CNTNAP2: variants seen among roughly 807,000 people sequenced by gnomAD.
The protein encoded by CNTNAP2 is contactin associated protein 2.
A neutral mutation model predicts 155.2 loss-of-function variants in CNTNAP2; 98 were observed. The ratio of observed to expected loss-of-function variants is 0.63; its 90% CI spans 0.54 to 0.75. CNTNAP2 has a LOEUF of 0.75. CNTNAP2 is among the 30% of genes least tolerant of loss of function. CNTNAP2 has a pLI of 0.00. For missense variants in CNTNAP2, 1,727 were observed against 1,688.1 expected, an observed-to-expected ratio of 1.02 and a Z score of -0.40; for synonymous variants, 651 against 631.2, an observed-to-expected ratio of 1.03 and a Z score of -0.47.
In CNTNAP2 at chr7:146,716,297, T is replaced by G. The variant is rs953075181; in HGVS notation, c.98-57974T>G. On this transcript the variant is annotated intron_variant, in intron 1 of 23. Coordinates refer to ENST00000361727, the MANE Select transcript of CNTNAP2 (RefSeq NM_014141.6). ...AATTCTTAGGATTTCTGGTGCTAATTGAGTGACCTTATACATACCATTTCC... is the reference window on the plus strand; with the variant it reads ...AATTCTTAGGATTTCTGGTGCTAATGGAGTGACCTTATACATACCATTTCC... Among the ~76,000 whole-genome samples the G allele has an allele frequency of 4.6e-5, 7 of 151,864 alleles. No individual in the cohort carries two copies. In the South Asian group the frequency reaches 6.2e-4, roughly 14 times the overall value.
At chr7:147,024,498 C>T (rs758021536) in intron 3 of CNTNAP2, among the ~76,000 whole-genome samples, 38 of 152,222 alleles carry the variant, frequency 2.5e-4, no homozygotes, top group Non-Finnish European at 5.1e-4. Context: ...TTAGTCCATT[C>T]TTACATTGTT....
At chr7:147,903,491 A>T (rs563492313) in intron 13 of CNTNAP2, 74 bp from the exon 14 acceptor site, 8 of 1,472,642 alleles carry the variant, frequency 5.4e-6, no homozygotes, top group Middle Eastern at 1.7e-4. Flanking sequence ...TTCCTGGGGA[A>T]GTGGGTGTAA....
intron 17 of CNTNAP2, among the ~76,000 whole-genome samples, chr7:148,158,222 C>CCTTTTTTTTTT (rs1805441262): frequency 1.1e-5 from 1 of 94,800 alleles, no homozygotes; most frequent in African/African-American, 5.0e-5. Flanking sequence ...AATGTTTGCG[C>CCTTTTTTTTTT]TTTTTTTTTT....
chr7:147,179,802 A>C (rs769348547), intron 8 of CNTNAP2, among the ~76,000 whole-genome samples: 84 of 152,304 alleles, frequency 5.5e-4, no homozygotes, highest in Admixed American at 9.8e-4. Context: ...ATTCAAAACA[A>C]AAACTTTAAA....
At chr7:147,112,390 A>G (rs1800897634) in intron 5 of CNTNAP2, among the ~76,000 whole-genome samples, 1 of 152,170 alleles carries the variant, frequency 6.6e-6, no homozygotes, top group Non-Finnish European at 1.5e-5. Flanking sequence ...TGCCCTGGCC[A>G]GGATAGCCAA....
intron 1 of CNTNAP2, among the ~76,000 whole-genome samples, chr7:146,563,295 T>C (rs930159803): frequency 3.9e-5 from 6 of 152,158 alleles, no homozygotes; most frequent in African/African-American, 1.4e-4. Flanking sequence ...GTCCTTTAGA[T>C]ATTAATCATC....
chr7:147,548,196 G>T (rs938664164), intron 11 of CNTNAP2, among the ~76,000 whole-genome samples: 6 of 152,154 alleles, frequency 3.9e-5, no homozygotes, highest in Admixed American at 3.9e-4. Flanking sequence ...CTTCCACAAG[G>T]GTTGAACTAA....
chr7:147,626,363 A>T (rs1794976347), intron 12 of CNTNAP2, among the ~76,000 whole-genome samples: 1 of 151,930 alleles, frequency 6.6e-6, no homozygotes, highest in East Asian at 1.9e-4. Context: ...TAGGCCTCTC[A>T]CTAATGGCTA....
chr7:148,030,699 A>C (rs796154300), intron 15 of CNTNAP2, among the ~76,000 whole-genome samples: 16 of 145,996 alleles, frequency 1.1e-4, no homozygotes, highest in African/African-American at 3.8e-4. Context: ...CAGGTGGTAA[A>C]GTTTATTCTT....
intron 21 of CNTNAP2, among the ~76,000 whole-genome samples, chr7:148,305,324 T>A (rs1326269357): frequency 6.6e-6 from 1 of 151,764 alleles, no homozygotes; most frequent in Non-Finnish European, 1.5e-5. Context: ...TAATTTTTTG[T>A]GAACTAATTA....
intron 13 of CNTNAP2, among the ~76,000 whole-genome samples, chr7:147,648,504 G>A (rs755414948): frequency 6.6e-6 from 1 of 152,200 alleles, no homozygotes; most frequent in African/African-American, 2.4e-5. Flanking sequence ...CTGAGACTGG[G>A]CAATTTACAA....
intron 11 of CNTNAP2, among the ~76,000 whole-genome samples, chr7:147,502,435 A>G (rs2116670858): frequency 6.6e-6 from 1 of 152,316 alleles, no homozygotes; most frequent in Middle Eastern, 3.4e-3. Context: ...AACCTAAAAA[A>G]AAATGAAATG....
At chr7:146,823,373 A>G in intron 2 of CNTNAP2, among the ~76,000 whole-genome samples, 1 of 140,640 alleles carries the variant, frequency 7.1e-6, no homozygotes, top group African/African-American at 2.7e-5. Context: ...GTATATTTCC[A>G]TGTAAATATA....
chr7:146,185,487 A>C (rs1216473051), intron 1 of CNTNAP2, among the ~76,000 whole-genome samples: 2 of 152,200 alleles, frequency 1.3e-5, no homozygotes, highest in Non-Finnish European at 2.9e-5. Flanking sequence ...CTGGCTCTGA[A>C]TTGAAAGAGG....
chr7:147,442,329 G>A (rs915733257), intron 10 of CNTNAP2, among the ~76,000 whole-genome samples: 5 of 152,158 alleles, frequency 3.3e-5, no homozygotes, highest in Admixed American at 6.5e-5. Flanking sequence ...TACCAAAAAT[G>A]TTCCATTGAG....
intron 8 of CNTNAP2, chr7:147,167,381 C>T (rs890737902): frequency 1.2e-5 from 14 of 1,163,192 alleles, no homozygotes; most frequent in Admixed American, 9.2e-5. Flanking sequence ...ACATTTCTGC[C>T]AAACGTTACT....
At chr7:147,889,936 G>A (rs1258105154) in intron 13 of CNTNAP2, among the ~76,000 whole-genome samples, 2 of 151,980 alleles carry the variant, frequency 1.3e-5, no homozygotes, top group Non-Finnish European at 2.9e-5. Flanking sequence ...CCACAGACTC[G>A]ATTCTTTAAA....
intron 13 of CNTNAP2, among the ~76,000 whole-genome samples, chr7:147,825,170 C>A (rs1034593361): frequency 6.6e-6 from 1 of 152,094 alleles, no homozygotes; most frequent in African/African-American, 2.4e-5. Context: ...ATTCTTGTTT[C>A]AATTTTATAT....
At chr7:148,155,780 G>T (rs1261709932) in intron 17 of CNTNAP2, among the ~76,000 whole-genome samples, 5 of 152,178 alleles carry the variant, frequency 3.3e-5, no homozygotes, top group Non-Finnish European at 7.3e-5. Flanking sequence ...GAATGGAGGG[G>T]TCCTATGTAA....
Sources: gnomAD v4.1 joint callset for allele counts (sites outside exome capture counted in the v4.1 genomes callset) on GRCh38, gnomAD v4.1.1 for gene constraint, MANE v1.5 for transcripts, NCBI Gene and HGNC (gene_info 2026-07-23, HGNC 2026-07-21) for gene names.